The following ABCA4 variants were observed in gnomAD, a reference collection of about 807,000 sequenced individuals.
ABCA4 encodes the protein retinal-specific phospholipid-transporting ATPase ABCA4.
In ABCA4, 196 loss-of-function variants were observed where a neutral mutation model predicts 263.7. That is an observed-to-expected ratio of 0.74 (90% confidence interval 0.66 to 0.84). The LOEUF (loss-of-function observed/expected upper bound fraction) is 0.84, where lower values mean the gene tolerates loss of function less well. Ranked by LOEUF, ABCA4 falls within the 40% of genes least tolerant of loss-of-function variation. The pLI is 0.00. For synonymous variants in ABCA4, 1,133 were observed against 1,094.2 expected (o/e 1.04, Z -0.70); for missense variants, 2,792 against 2,855.1 (o/e 0.98, Z 0.50).
chr1:93,997,257 T>C (rs1489886230), intron 48 of ABCA4, among the ~76,000 whole-genome samples: 1 of 152,188 alleles, frequency 6.6e-6, no homozygotes, highest in Non-Finnish European at 1.5e-5. Context: ...TAGGTGTTTT[T>C]GTTTTGTTTT....
intron 9 of ABCA4, 91 bp downstream of exon 9, chr1:94,079,231 C>T: frequency 6.4e-7 from 1 of 1,563,226 alleles, no homozygotes; most frequent in Non-Finnish European, 8.8e-7. Context: ...GATGTGCTAC[C>T]AGGAAGGCAC....
chr1:94,108,089 G>A (rs181738985), intron 4 of ABCA4, among the ~76,000 whole-genome samples: 21 of 152,238 alleles, frequency 1.4e-4, no homozygotes, highest in African/African-American at 5.1e-4. Context: ...CGGGGCCTGG[G>A]TGCTAAATAT....
At chr1:94,096,022 A>G (rs1662117653) in intron 6 of ABCA4, among the ~76,000 whole-genome samples, 2 of 152,164 alleles carry the variant, frequency 1.3e-5, no homozygotes, top group Non-Finnish European at 2.9e-5. Context: ...AGGAGAGAGA[A>G]AGCATCTCCA....
chr1:94,044,456 G>A (rs1406654348), intron 20 of ABCA4, among the ~76,000 whole-genome samples, 157 bp downstream of exon 20: 1 of 152,226 alleles, frequency 6.6e-6, no homozygotes, highest in Non-Finnish European at 1.5e-5. Flanking sequence ...CTCACTGCAA[G>A]TAGGACAAAG....
intron 8 of ABCA4, 83 bp from the exon 9 acceptor site, chr1:94,079,544 T>C: frequency 5.0e-6 from 8 of 1,590,942 alleles, no homozygotes; most frequent in Non-Finnish European, 3.4e-6. Context: ...CCACATCACA[T>C]GTCTCATTCA....
chr1:94,021,409 C>G lies in ABCA4; in HGVS notation c.4849G>C (p.Val1617Leu). 1 of 1,614,086 alleles carries G rather than the reference C, an allele frequency of 6.2e-7. No individual in the cohort carries two copies. Among genetic ancestry groups the G allele is most frequent in the South Asian group, 1.1e-5 (1 of 91,080 alleles). ...TGCCAGCCTTTGTTATTAAACCACA[C>G]CTAGAGGGTGGAGAGGACATCTGAG... ...KHLETEDNIKVWFNNKGWHAL... is the reference protein window; with the variant it reads ...KHLETEDNIKLWFNNKGWHAL... The change falls in exon 35 of 50, where the codon GTG (valine) becomes CTG (leucine). Residue 1617 changes from valine to leucine, a missense_variant and splice_region_variant. Coordinates refer to ENST00000370225, the MANE Select transcript of ABCA4 (RefSeq NM_000350.3).
chr1:94,096,584 C>A (rs545296572), intron 6 of ABCA4, among the ~76,000 whole-genome samples: 66 of 152,284 alleles, frequency 4.3e-4, no homozygotes, highest in African/African-American at 1.5e-3. Flanking sequence ...TGAATGCTAG[C>A]ATTTGCCAAG....
At chr1:94,000,590 T>G (rs1441311963) in intron 47 of ABCA4, among the ~76,000 whole-genome samples, 1 of 152,152 alleles carries the variant, frequency 6.6e-6, no homozygotes, top group Non-Finnish European at 1.5e-5. Context: ...GCATGCATCC[T>G]GATCAGATGC....
chr1:94,037,057 T>C lies in ABCA4; in HGVS notation c.3813+88A>G, dbSNP rs1311769553. On this transcript the variant is annotated intron_variant, in intron 25 of 49. Transcript: ENST00000370225. ...GGGTGGGGAACGATGGCTTTTTGCTTTTACAAAACTTTGCTCTAATGTTAG... is the reference window on the plus strand; with the variant it reads ...GGGTGGGGAACGATGGCTTTTTGCTCTTACAAAACTTTGCTCTAATGTTAG... 2.3e-5 allele frequency: 33 copies of C among 1,430,286 alleles called. No individual in the cohort carries two copies. The East Asian group carries it at 6.8e-4, about 30-fold the overall frequency. 88.6% of individuals were successfully genotyped at this position (1,430,286 alleles called of 1,614,324 possible).
intron 6 of ABCA4, among the ~76,000 whole-genome samples, chr1:94,093,993 C>G (rs541777736): frequency 6.6e-6 from 1 of 152,298 alleles, no homozygotes; most frequent in Admixed American, 6.5e-5. Flanking sequence ...CCCTGCTGTT[C>G]CCTGGTACTG....
intron 6 of ABCA4, among the ~76,000 whole-genome samples, chr1:94,097,947 C>T (rs992148802): frequency 2.0e-5 from 3 of 152,020 alleles, no homozygotes; most frequent in Non-Finnish European, 2.9e-5. Context: ...TTAGTAGAGA[C>T]GGGGTTTCAC....
chr1:93,993,028 T>G lies in ABCA4; in HGVS notation c.*209A>C. On this transcript the variant is annotated 3_prime_UTR_variant, in exon 50 of 50. Coordinates refer to ENST00000370225, the MANE Select transcript of ABCA4 (RefSeq NM_000350.3). The stretch of plus-strand genomic sequence containing the variant: ...ATTTTGTATTTGTTTGGTTTCACCA[T>G]CAGGTGTTCCAGGTGAGCAAGTCAG... 1 of 627,602 alleles carries G rather than the reference T, an allele frequency of 1.6e-6. No individual in the cohort carries two copies. Among genetic ancestry groups the G allele is most frequent in the South Asian group, 1.9e-5 (1 of 51,646 alleles). The allele number at this position is 627,602 out of a possible 1,614,324, so 38.9% of individuals were successfully genotyped here.
chr1:94,001,753 C>T, intron 45 of ABCA4, 105 bp downstream of exon 45: 1 of 1,544,996 alleles, frequency 6.5e-7, no homozygotes, highest in Non-Finnish European at 8.9e-7. Context: ...AGACTAAAGC[C>T]AAACTGCTGC....
intron 8 of ABCA4, among the ~76,000 whole-genome samples, chr1:94,080,006 A>G (rs1056620230): frequency 3.4e-5 from 5 of 146,990 alleles, no homozygotes; most frequent in Non-Finnish European, 6.0e-5. Flanking sequence ...AAAAAAAAAA[A>G]TAGTGAAAGG....
intron 24 of ABCA4, among the ~76,000 whole-genome samples, chr1:94,038,141 G>C (rs118176080): frequency 2.2e-3 from 341 of 151,768 alleles, no homozygotes; most frequent in Middle Eastern, 3.4e-3. Flanking sequence ...GCAGAGGGGG[G>C]GTTGAGAAGC....
chr1:94,036,039 C>T (rs934788991), intron 26 of ABCA4, among the ~76,000 whole-genome samples: 4 of 152,084 alleles, frequency 2.6e-5, no homozygotes, highest in East Asian at 1.9e-4. Context: ...AGGAGACTGA[C>T]GTCTGAGTTG....
At chr1:94,019,362 A>T in intron 36 of ABCA4, 1 of 565,866 alleles carries the variant, frequency 1.8e-6, no homozygotes, top group Non-Finnish European at 3.1e-6. Context: ...ACCAGTTGTT[A>T]AGCTGCACCC....
chr1:94,021,488 A>G, intron 34 of ABCA4, 79 bp from the exon 35 acceptor site: 1 of 1,590,560 alleles, frequency 6.3e-7, no homozygotes, highest in Non-Finnish European at 8.6e-7. Flanking sequence ...AGGAAATTTG[A>G]GAAGCAGGAA....
intron 11 of ABCA4, 144 bp downstream of exon 11, chr1:94,077,546 T>C: frequency 1.4e-6 from 1 of 738,004 alleles, no homozygotes; most frequent in African/African-American, 1.8e-5. Context: ...GAATGAGAAC[T>C]GTACAGGGGA....
Sources: gnomAD v4.1 joint callset for allele counts (sites outside exome capture counted in the v4.1 genomes callset) on GRCh38, gnomAD v4.1.1 for gene constraint, MANE v1.5 for transcripts, NCBI Gene and HGNC (gene_info 2026-07-23, HGNC 2026-07-21) for gene names.